The following MTIF2 variants were observed in gnomAD, a reference collection of about 807,000 sequenced individuals.
MTIF2 encodes the protein translation initiation factor IF-2, mitochondrial.
Under a neutral mutation model 83.5 loss-of-function variants are expected in MTIF2, and 71 were observed. The observed-to-expected ratio is 0.85, with a 90% CI of 0.70 to 1.04. The LOEUF is 1.04. Ranked by LOEUF, MTIF2 falls within the 50% of genes least tolerant of loss-of-function variation. The pLI is 0.00. For missense variants in MTIF2, 957 were observed against 846.5 expected (o/e 1.13, Z -1.62); for synonymous variants, 319 against 287.1 (o/e 1.11, Z -1.12).
intron 3 of MTIF2, among the ~76,000 whole-genome samples, chr2:55,265,712 T>C (rs1162443984): frequency 1.3e-5 from 2 of 152,168 alleles, no homozygotes; most frequent in African/African-American, 2.4e-5. Flanking sequence ...AATAAGGTCA[T>C]ATTAATTTTG....
chr2:55,268,640 A>G lies in MTIF2; in HGVS notation c.-137T>C, dbSNP rs568791234. On this transcript the variant is annotated 5_prime_UTR_variant, in exon 2 of 16. Coordinates refer to ENST00000263629, the MANE Select transcript of MTIF2 (RefSeq NM_002453.3). ...CCAGAAGGGTCAAAAAAGCTTCTCC[A>G]ATGTCATACCGCTAGTTAATGGCAG... 2.6e-5 allele frequency: 4 copies of G among 152,408 alleles called. No individual in the cohort carries two copies. Among genetic ancestry groups the G allele is most frequent in the African/African-American group, 9.6e-5 (4 of 41,564 alleles). 9.4% of individuals were successfully genotyped at this position (152,408 alleles called of 1,614,324 possible).
intron 12 of MTIF2, 146 bp from the exon 13 acceptor site, chr2:55,243,226 T>C (rs1410508811): frequency 9.7e-7 from 1 of 1,034,980 alleles, no homozygotes; most frequent in African/African-American, 1.6e-5. Flanking sequence ...TACACATATC[T>C]ACTTGACTTA....
chr2:55,246,489 C>T, intron 9 of MTIF2, 28 bp from the exon 10 acceptor site: 2 of 1,591,526 alleles, frequency 1.3e-6, no homozygotes. Flanking sequence ...GTTGTTAATA[C>T]ACATTAATAA....
chr2:55,239,986 A>G, intron 14 of MTIF2, 25 bp downstream of exon 14: 1 of 1,579,198 alleles, frequency 6.3e-7, no homozygotes. Context: ...CTAATTTTTA[A>G]AAGTAACATT....
chr2:55,250,074 C>A (rs1205020383), intron 8 of MTIF2, among the ~76,000 whole-genome samples: 1 of 152,106 alleles, frequency 6.6e-6, no homozygotes, highest in Non-Finnish European at 1.5e-5. Flanking sequence ...GCATGGGCAA[C>A]AGAGCGAGAC....
chr2:55,240,351 C>A (rs189199709), intron 13 of MTIF2, among the ~76,000 whole-genome samples, 176 bp from the exon 14 acceptor site: 1 of 152,144 alleles, frequency 6.6e-6, no homozygotes, highest in Non-Finnish European at 1.5e-5. Flanking sequence ...GAAGCTGAGG[C>A]AGGTGGATCG....
intron 13 of MTIF2, among the ~76,000 whole-genome samples, chr2:55,240,396 C>A (rs1248120152): frequency 6.6e-6 from 1 of 152,178 alleles, no homozygotes; most frequent in East Asian, 1.9e-4. Flanking sequence ...GCCTGGCCAA[C>A]ATGGTGAAAC....
intron 10 of MTIF2, 52 bp downstream of exon 10, chr2:55,246,285 G>T: frequency 6.5e-7 from 1 of 1,527,654 alleles, no homozygotes; most frequent in Non-Finnish European, 8.8e-7. Flanking sequence ...ATATAATCAA[G>T]TCACGAAAAC....
intron 5 of MTIF2, among the ~76,000 whole-genome samples, chr2:55,255,941 A>T (rs1309447125): frequency 1.3e-5 from 2 of 152,004 alleles, no homozygotes; most frequent in East Asian, 3.9e-4. Flanking sequence ...CAGTGGGGCA[A>T]TCTCGGCTAG....
intron 5 of MTIF2, among the ~76,000 whole-genome samples, chr2:55,256,865 T>C (rs1677585766): frequency 2.6e-5 from 2 of 76,254 alleles, no homozygotes; most frequent in African/African-American, 6.6e-5. Flanking sequence ...CACCACTACA[T>C]CCTACTAATT....
At chr2:55,267,707 T>A (rs1678540096) in intron 2 of MTIF2, 72 bp from the exon 3 acceptor site, 1 of 154,038 alleles carries the variant, frequency 6.5e-6, no homozygotes, top group East Asian at 1.9e-4. Flanking sequence ...GAGGAGAAAA[T>A]GAGATGATGT....
At chr2:55,245,245 G>A (rs1341857401) in intron 10 of MTIF2, among the ~76,000 whole-genome samples, 2 of 152,214 alleles carry the variant, frequency 1.3e-5, no homozygotes, top group East Asian at 1.9e-4. Flanking sequence ...AACAGTGCCA[G>A]GTGTAGTGGC....
rs1391819620 is a variant in MTIF2, at chr2:55,263,751, C to G, written c.108G>C (p.Gly36=). ...QRRALRQWRH[G]FSSAYPVWTA... ...TCCACACAGGGTAAGCAGATGAAAA[C>G]CCATGCCTCCACTGTCTTAATGCTC... The change falls in exon 4 of 16, where the codon GGG becomes GGC. Residue 36 remains glycine, a synonymous_variant. Transcript: ENST00000263629. 1 of 1,614,018 alleles carries G rather than the reference C, an allele frequency of 6.2e-7. No homozygotes were observed. Among genetic ancestry groups the G allele is most frequent in the African/African-American group, 1.3e-5 (1 of 74,904 alleles).
chr2:55,237,431 T>C lies in MTIF2; in HGVS notation c.1871-3A>G. ...GGTAGCTAGTATAGATGCCTCACCT[T>C]TAGGAAGAAGAGAACATTAATGTGC... On this transcript the variant is annotated splice_region_variant and splice_polypyrimidine_tract_variant and intron_variant, in intron 14 of 15. Coordinates refer to ENST00000263629, the MANE Select transcript of MTIF2 (RefSeq NM_002453.3). The C allele has an allele frequency of 6.3e-7, 1 of 1,597,530 alleles. No individual in the cohort carries two copies. The highest frequency in any genetic ancestry group is 8.5e-7 in the Non-Finnish European group (1 of 1,174,902).
At chr2:55,238,683 G>A (rs1676076393) in intron 14 of MTIF2, among the ~76,000 whole-genome samples, 2 of 152,108 alleles carry the variant, frequency 1.3e-5, no homozygotes, top group Non-Finnish European at 2.9e-5. Context: ...GAGCCACCAT[G>A]CCCGGCCGAG....
In MTIF2 at chr2:55,262,559, T is replaced by TC. The variant is rs1678102839; in HGVS notation, c.220-133_220-132insG. The TC allele has an allele frequency of 5.1e-6, 3 of 593,308 alleles. No homozygotes were observed. In the East Asian group the frequency reaches 9.6e-5, roughly 19 times the overall value. 36.8% of individuals were successfully genotyped at this position (593,308 alleles called of 1,614,324 possible). A position where few individuals can be genotyped will look rare whatever the true frequency, so the allele number is the denominator to read the frequency against. ...TTTTTTTCTTTTTTTTTTTTTTTTT[T>TC]TGAGACAGACTCTTGCTCTGTCACC... On this transcript the variant is annotated intron_variant, in intron 4 of 15. Transcript: ENST00000263629.
intron 5 of MTIF2, among the ~76,000 whole-genome samples, chr2:55,257,444 G>A (rs1035481122): frequency 1.3e-4 from 20 of 152,134 alleles, no homozygotes; most frequent in African/African-American, 4.8e-5. Context: ...CTGCGCCACT[G>A]CACTCCAGCC....
In MTIF2 at chr2:55,237,309, T is replaced by TA; in HGVS notation, c.1989dup (p.Asn664Ter). ...TTACCCTTCCAAATTACATGTCCAT[T>TA]ACGGGTTAGTTTAAATTTTTTTTGT... On this transcript the variant is annotated frameshift_variant, in exon 15 of 16. Transcript: ENST00000263629. LOFTEE classifies it high-confidence loss of function. The TA allele has an allele frequency of 6.2e-7, 1 of 1,612,778 alleles. No individual in the cohort carries two copies. The highest frequency in any genetic ancestry group is 8.5e-7 in the Non-Finnish European group (1 of 1,179,842).
chr2:55,263,837 A>C lies in MTIF2; in HGVS notation c.22T>G (p.Leu8Val), dbSNP rs894433587. The stretch of plus-strand genomic sequence containing the variant: ...GTGTGAAATCGTAGCAAGTTCTCCA[A>C]CTTCAGTAGCTTCTGGTTCATGTTT... The part of the protein sequence containing the change: MNQKLLK[L>V]ENLLRFHTIY... The change falls in exon 4 of 16, where the codon TTG becomes GTG. Residue 8 changes from leucine (L) to valine (V), a missense_variant. Coordinates refer to ENST00000263629, the MANE Select transcript of MTIF2 (RefSeq NM_002453.3). 3 of 1,613,558 alleles carry C rather than the reference A, an allele frequency of 1.9e-6. No individual in the cohort carries two copies. Among genetic ancestry groups the C allele is most frequent in the Non-Finnish European group, 2.5e-6 (3 of 1,179,896 alleles).
Sources: gnomAD v4.1 joint callset for allele counts (sites outside exome capture counted in the v4.1 genomes callset) on GRCh38, gnomAD v4.1.1 for gene constraint, MANE v1.5 for transcripts, NCBI Gene and HGNC (gene_info 2026-07-23, HGNC 2026-07-21) for gene names.